TDRD3: variants seen among roughly 807,000 people sequenced by gnomAD.
The protein encoded by TDRD3 is tudor domain-containing protein 3.
TDRD3 carries 45 observed loss-of-function variants against 86.7 expected under a neutral mutation model. The observed-to-expected ratio is 0.52, with a 90% CI of 0.41 to 0.67. TDRD3 has a LOEUF of 0.67. TDRD3 is among the 30% of genes least tolerant of loss of function. TDRD3 has a pLI of 0.00. For missense variants in TDRD3, 814 were observed against 889.0 expected, an observed-to-expected ratio of 0.92 and a Z score of 1.07; for synonymous variants, 298 against 301.7, an observed-to-expected ratio of 0.99 and a Z score of 0.13.
At chr13:60,444,848 A>T (rs1228457791) in intron 3 of TDRD3, 100 bp downstream of exon 3, 1 of 602,876 alleles carries the variant, frequency 1.7e-6, no homozygotes, top group East Asian at 3.5e-5. Context: ...CTGCAATTGC[A>T]AAATACTCTG....
intron 13 of TDRD3, among the ~76,000 whole-genome samples, chr13:60,570,944 G>T: frequency 6.6e-6 from 1 of 151,968 alleles, no homozygotes. Context: ...AAATAACAAC[G>T]CACACAGTTC....
intron 3 of TDRD3, among the ~76,000 whole-genome samples, chr13:60,450,780 A>G (rs1464429115): frequency 2.0e-5 from 3 of 152,170 alleles, no homozygotes; most frequent in Non-Finnish European, 2.9e-5. Context: ...AACAAATGCT[A>G]TGTCAAAGGT....
At chr13:60,411,257 AAT>A (rs1352514971) in intron 1 of TDRD3, among the ~76,000 whole-genome samples, 1 of 152,240 alleles carries the variant, frequency 6.6e-6, no homozygotes, top group Non-Finnish European at 1.5e-5. Flanking sequence ...TTGAATTAAA[AAT>A]TCATGAAGAA....
intron 1 of TDRD3, among the ~76,000 whole-genome samples, chr13:60,436,315 A>C (rs1035248122): frequency 6.6e-6 from 1 of 152,044 alleles, no homozygotes; most frequent in Non-Finnish European, 1.5e-5. Flanking sequence ...GGTCTTAGTC[A>C]TGAATTCTTT....
intron 1 of TDRD3, among the ~76,000 whole-genome samples, chr13:60,423,166 A>C (rs1158069466): frequency 6.6e-6 from 1 of 152,204 alleles, no homozygotes; most frequent in Non-Finnish European, 1.5e-5. Flanking sequence ...TGGAAGTATG[A>C]ATTTGGGATT....
chr13:60,479,131 G>T (rs9538720), intron 5 of TDRD3, among the ~76,000 whole-genome samples: 22,602 of 152,142 alleles, frequency 0.15, 2,105 homozygotes, highest in South Asian at 0.28. Context: ...CTAACTTCTT[G>T]ATGTAGGTGG....
intron 8 of TDRD3, among the ~76,000 whole-genome samples, chr13:60,505,475 G>A (rs1485598738): frequency 6.6e-6 from 1 of 152,188 alleles, no homozygotes; most frequent in East Asian, 1.9e-4. Context: ...ATGTCCCTGG[G>A]ACAGAGCAAC....
intron 3 of TDRD3, among the ~76,000 whole-genome samples, chr13:60,445,499 A>G (rs962406559): frequency 6.6e-6 from 1 of 152,010 alleles, no homozygotes; most frequent in African/African-American, 2.4e-5. Context: ...GTTTCTTTAC[A>G]TTTCTTTTTC....
intron 1 of TDRD3, among the ~76,000 whole-genome samples, chr13:60,414,730 A>G (rs1954452275): frequency 6.6e-6 from 1 of 152,112 alleles, no homozygotes; most frequent in Non-Finnish European, 1.5e-5. Flanking sequence ...TGTCAAATAC[A>G]GAGTTATCAG....
chr13:60,563,794 A>G (rs1483936455), intron 12 of TDRD3, among the ~76,000 whole-genome samples: 2 of 152,208 alleles, frequency 1.3e-5, no homozygotes, highest in Non-Finnish European at 2.9e-5. Flanking sequence ...CAAGTGACCA[A>G]TTTATGATGA....
At chr13:60,483,728 T>C (rs933589669) in intron 5 of TDRD3, 47 bp from the exon 6 acceptor site, 3 of 1,533,254 alleles carry the variant, frequency 2.0e-6, no homozygotes, top group Non-Finnish European at 8.9e-7. Context: ...GCTGGAAATA[T>C]ATTTTTTATG....
intron 1 of TDRD3, among the ~76,000 whole-genome samples, chr13:60,420,290 TG>T (rs1365376585): frequency 1.3e-5 from 2 of 152,156 alleles, no homozygotes; most frequent in Non-Finnish European, 2.9e-5. Context: ...ATGCTATGAA[TG>T]TTTTTTACAA....
At chr13:60,433,874 C>G (rs966639231) in intron 1 of TDRD3, among the ~76,000 whole-genome samples, 5 of 152,156 alleles carry the variant, frequency 3.3e-5, no homozygotes, top group African/African-American at 1.2e-4. Context: ...CCGATTTTAC[C>G]TGCTTTCAAA....
chr13:60,415,005 G>A (rs1003812875), intron 1 of TDRD3, among the ~76,000 whole-genome samples: 1 of 151,924 alleles, frequency 6.6e-6, no homozygotes, highest in African/African-American at 2.4e-5. Context: ...TAAAATATAG[G>A]AGGAGTTTGT....
At chr13:60,471,666 C>T (rs1230841502) in intron 5 of TDRD3, among the ~76,000 whole-genome samples, 1 of 151,990 alleles carries the variant, frequency 6.6e-6, no homozygotes, top group Non-Finnish European at 1.5e-5. Flanking sequence ...TCACATTGTT[C>T]TAAATTGTTA....
At chr13:60,471,553 AT>A (rs1327855359) in intron 5 of TDRD3, among the ~76,000 whole-genome samples, 2 of 151,278 alleles carry the variant, frequency 1.3e-5, no homozygotes, top group African/African-American at 2.4e-5. Context: ...AAAAAAAAAA[AT>A]CATTGGGGTT....
chr13:60,430,332 C>G (rs1954922623), intron 1 of TDRD3, among the ~76,000 whole-genome samples: 1 of 152,130 alleles, frequency 6.6e-6, no homozygotes, highest in African/African-American at 2.4e-5. Context: ...GGCAGCAATG[C>G]TATGAGTGCA....
chr13:60,440,932 GTTAC>G (rs1162057914), intron 2 of TDRD3, among the ~76,000 whole-genome samples: 2 of 151,956 alleles, frequency 1.3e-5, no homozygotes, highest in Non-Finnish European at 2.9e-5. Flanking sequence ...CGTTAAAAAA[GTTAC>G]TTAAATTTAT....
intron 1 of TDRD3, among the ~76,000 whole-genome samples, chr13:60,422,830 T>C (rs1201346461): frequency 2.0e-5 from 3 of 152,118 alleles, no homozygotes; most frequent in Admixed American, 6.5e-5. Flanking sequence ...GAATAATATT[T>C]GTTTTATTTG....
Sources: gnomAD v4.1 joint callset for allele counts (sites outside exome capture counted in the v4.1 genomes callset) on GRCh38, gnomAD v4.1.1 for gene constraint, MANE v1.5 for transcripts, NCBI Gene and HGNC (gene_info 2026-07-23, HGNC 2026-07-21) for gene names.